The following SLC44A2 variants were observed in gnomAD, a reference collection of about 807,000 sequenced individuals.
SLC44A2 encodes the protein solute carrier family 44 member 2 (CTL2 blood group).
In SLC44A2, 57 loss-of-function variants were observed where a neutral mutation model predicts 90.8. The ratio of observed to expected loss-of-function variants is 0.63; its 90% confidence interval spans 0.51 to 0.78. SLC44A2 has a LOEUF of 0.78. SLC44A2 is among the 30% of genes least tolerant of loss of function. The pLI is 0.00. For synonymous variants in SLC44A2, 355 were observed against 360.7 expected (o/e 0.98, Z 0.18); for missense variants, 794 against 919.7 (o/e 0.86, Z 1.77).
chr19:10,634,614 G>A (rs2067033489), intron 10 of SLC44A2, 142 bp from the exon 11 acceptor site: 3 of 1,121,354 alleles, frequency 2.7e-6, no homozygotes, highest in African/African-American at 1.5e-5. Flanking sequence ...GGGAGAGAAT[G>A]CACCGGGCGG....
upstream of SLC44A2, chr19:10,625,511 C>T (rs1208266107): frequency 5.7e-6 from 7 of 1,224,778 alleles, no homozygotes; most frequent in Non-Finnish European, 6.1e-6. Context: ...GGCCGCCCCG[C>T]CTGGCGCTGT....
intron 1 of SLC44A2, among the ~76,000 whole-genome samples, chr19:10,618,760 G>A (rs892285784): frequency 6.6e-6 from 1 of 151,772 alleles, no homozygotes; most frequent in Admixed American, 6.6e-5. Context: ...TTTTAGTAGA[G>A]GCAGGGTTTC....
rs552590133 is a variant in SLC44A2, at chr19:10,643,644, C to A, written c.*259C>A. 6.0e-6 allele frequency: 2 copies of A among 333,554 alleles called. No homozygotes were observed. The highest frequency in any genetic ancestry group is 7.5e-5 in the South Asian group (2 of 26,620). The allele number at this position is 333,554 out of a possible 1,614,324, so 20.7% of individuals were successfully genotyped here. The stretch of plus-strand genomic sequence containing the variant: ...AAAACCCATTGGGGCCTCTTGATGT[C>A]TGGGATGGCACGTGGCCCGACCTCC... On this transcript the variant is annotated 3_prime_UTR_variant, in exon 22 of 22. Coordinates refer to ENST00000335757, the MANE Select transcript of SLC44A2 (RefSeq NM_020428.4).
intron 14 of SLC44A2, 78 bp downstream of exon 14, chr19:10,635,593 G>A: frequency 7.6e-7 from 1 of 1,318,994 alleles, no homozygotes; most frequent in Admixed American, 2.1e-5. Context: ...ATGTCCACTT[G>A]GAGGTTCAGC....
chr19:10,637,747 G>A lies in SLC44A2; in HGVS notation c.1695G>A (p.Met565Ile). ...IKFLNRNAYI[M>I]IAIYGTNFCT... ...TCCTTAATAGGAATGCCTACATCAT[G>A]GTGAGTGGGCCTGGGACCCCCAACC... The change falls in exon 17 of 22, where the codon ATG becomes ATA. Residue 565 changes from methionine (M) to isoleucine (I), a missense_variant and splice_region_variant. Transcript: ENST00000335757. 2 of 1,613,698 alleles carry A rather than the reference G, an allele frequency of 1.2e-6. No homozygotes were observed. The highest frequency in any genetic ancestry group is 1.3e-5 in the African/African-American group (1 of 75,008).
chr19:10,632,044 A>C lies in SLC44A2; in HGVS notation c.711A>C (p.Ile237=). 6.2e-7 allele frequency: 1 copy of C among 1,614,014 alleles called. No homozygotes were observed. Among genetic ancestry groups the C allele is most frequent in the Non-Finnish European group, 8.5e-7 (1 of 1,179,990 alleles). Residue 237 remains isoleucine (I), a splice_region_variant and synonymous_variant, in exon 10 of 22, where the codon ATA becomes ATC. Transcript: ENST00000335757. ...TTCATGACCGTTTTCTTTTCCCCAGAGGCCTGGTCATTGCCATGGCGATGA... is the reference window on the plus strand; with the variant it reads ...TTCATGACCGTTTTCTTTTCCCCAGCGGCCTGGTCATTGCCATGGCGATGA... ...DYTVSWYWII[I]GLVIAMAMSL...
At chr19:10,602,503 G>T (rs528348832), upstream of SLC44A2, 8 of 1,256,798 alleles carry the variant, frequency 6.4e-6, no homozygotes, top group African/African-American at 1.1e-4. Context: ...GCGCTGGCTC[G>T]GACTCCGCTC....
chr19:10,626,308 GC>G lies in SLC44A2; in HGVS notation c.86+8del. ...AAGGACCCATTTACAATAGGTAAGA[GC>G]TCTGGGTTTTGGGGGGTTCTCCCCG... On this transcript the variant is annotated splice_region_variant and intron_variant, in intron 2 of 21. Transcript: ENST00000335757. The G allele has an allele frequency of 1.2e-6, 2 of 1,608,546 alleles. No homozygotes were observed. The highest frequency in any genetic ancestry group is 1.7e-6 in the Non-Finnish European group (2 of 1,174,922).
At chr19:10,637,030 G>C (rs1489962743) in intron 16 of SLC44A2, 1 of 444,570 alleles carries the variant, frequency 2.2e-6, no homozygotes, top group African/African-American at 2.0e-5. Context: ...AATTGGAGTG[G>C]TATATATTTG....
upstream of SLC44A2, among the ~76,000 whole-genome samples, chr19:10,621,558 C>T (rs545767399): frequency 3.3e-5 from 5 of 151,534 alleles, no homozygotes; most frequent in South Asian, 1.0e-3. Context: ...ATCCTCCCAC[C>T]TCCACCTCCC....
rs1037874631 is a variant in SLC44A2, at chr19:10,626,130, G to A, written c.38-123G>A. Reference sequence around the variant, plus strand: ...GGTGGGTGAGGCAGAAAATTCCACAGGTCTCTGAATTTTATTCTTGCCAAG... The same window carrying A: ...GGTGGGTGAGGCAGAAAATTCCACAAGTCTCTGAATTTTATTCTTGCCAAG... On this transcript the variant is annotated intron_variant, in intron 1 of 21. Transcript: ENST00000335757. 21 of 809,210 alleles carry A rather than the reference G, an allele frequency of 2.6e-5. No homozygotes were observed. The South Asian group carries it at 2.7e-4, about 11-fold the overall frequency. The allele number at this position is 809,210 out of a possible 1,614,324, so 50.1% of individuals were successfully genotyped here.
chr19:10,618,646 AT>A (rs1243973638), intron 1 of SLC44A2, among the ~76,000 whole-genome samples: 11 of 142,848 alleles, frequency 7.7e-5, no homozygotes, highest in Middle Eastern at 4.2e-3. Context: ...CGCCCGGCTA[AT>A]TTTTTGTATT....
In SLC44A2 at chr19:10,625,682, C is replaced by G; in HGVS notation, c.37+12C>G. 1 of 1,249,072 alleles carries G rather than the reference C, an allele frequency of 8.0e-7. No individual in the cohort carries two copies. 77.4% of individuals were successfully genotyped at this position (1,249,072 alleles called of 1,614,324 possible). ...CTACGGGAAACACGGTAGGCAGCGA[C>G]CCCCGCCCGTAGCCCCGGGCCGACC... is the stretch of plus-strand genomic sequence containing the variant. On this transcript the variant is annotated intron_variant, in intron 1 of 21. Coordinates refer to ENST00000335757, the MANE Select transcript of SLC44A2 (RefSeq NM_020428.4).
At chr19:10,619,726 G>T (rs966326369) in intron 1 of SLC44A2, among the ~76,000 whole-genome samples, 2 of 152,134 alleles carry the variant, frequency 1.3e-5, no homozygotes, top group Non-Finnish European at 2.9e-5. Context: ...GGCCGAGGCA[G>T]GCGGATTGCC....
chr19:10,626,448 AC>A, intron 2 of SLC44A2, 147 bp downstream of exon 2: 1 of 668,982 alleles, frequency 1.5e-6, no homozygotes, highest in Non-Finnish European at 2.6e-6. Context: ...TTGCTCTGTC[AC>A]CAGGCTGGAG....
chr19:10,638,923 C>T (rs1230145572), intron 20 of SLC44A2, among the ~76,000 whole-genome samples: 1 of 152,112 alleles, frequency 6.6e-6, no homozygotes, highest in Non-Finnish European at 1.5e-5. Context: ...CCTCAGCCTC[C>T]CGAGTAGCTG....
intron 20 of SLC44A2, 23 bp downstream of exon 20, chr19:10,638,338 G>A (rs2067081457): frequency 6.2e-7 from 1 of 1,605,632 alleles, no homozygotes; most frequent in African/African-American, 1.3e-5. Context: ...GGGGAGAGAT[G>A]GGGGTTTGGG....
In SLC44A2 at chr19:10,636,741, G is replaced by C; in HGVS notation, c.1576G>C (p.Asp526His). ...QIIRVILEYL[D>H]QRLKAAENKF... Reference sequence around the variant, plus strand: ...CATCCGTGTGATACTCGAGTACCTGGATCAGCGGCTGAAAGGTACGTCCCA... The same window carrying C: ...CATCCGTGTGATACTCGAGTACCTGCATCAGCGGCTGAAAGGTACGTCCCA... The change falls in exon 16 of 22, where the codon GAT (aspartate) becomes CAT (histidine). Residue 526 changes from aspartate to histidine, a missense_variant. Asp to His is a moderately conservative substitution (Grantham distance 81). Transcript: ENST00000335757. 2 of 1,613,826 alleles carry C rather than the reference G, an allele frequency of 1.2e-6. No individual in the cohort carries two copies. Among genetic ancestry groups the C allele is most frequent in the Non-Finnish European group, 1.7e-6 (2 of 1,179,860 alleles).
In SLC44A2 at chr19:10,637,839, C is replaced by T. The variant is rs2067075430; in HGVS notation, c.1696-17C>T. 1 of 1,613,998 alleles carries T rather than the reference C, an allele frequency of 6.2e-7. No individual in the cohort carries two copies. Among genetic ancestry groups the T allele is most frequent in the Non-Finnish European group, 8.5e-7 (1 of 1,179,892 alleles). On this transcript the variant is annotated splice_polypyrimidine_tract_variant and intron_variant, in intron 17 of 21. Coordinates refer to ENST00000335757, the MANE Select transcript of SLC44A2 (RefSeq NM_020428.4). ...CCCACCCAGTGGGTCTGATCTCTCC[C>T]TCCCACTCTCCTCCAGATTGCCATC...
Sources: allele counts gnomAD v4.1 joint callset (sites outside exome capture counted in the v4.1 genomes callset), GRCh38; gene constraint gnomAD v4.1.1; transcripts MANE v1.5; gene names NCBI Gene and HGNC (gene_info 2026-07-23, HGNC 2026-07-21).